Variants in MMS22L observed in about 807,000 individuals in gnomAD.
The protein encoded by MMS22L is protein MMS22-like.
MMS22L carries 74 observed loss-of-function variants against 159.1 expected under a neutral mutation model. That is an observed-to-expected ratio of 0.47 (90% confidence interval 0.39 to 0.56). The LOEUF (loss-of-function observed/expected upper bound fraction) is 0.56, where lower values mean the gene tolerates loss of function less well. MMS22L is among the 20% of genes least tolerant of loss of function. The probability of loss-of-function intolerance (pLI) is 0.00; values close to 1 mark genes in which losing one functional copy is unlikely to be tolerated. For missense variants in MMS22L, 1,351 were observed against 1,422.1 expected (o/e 0.95, Z 0.80); for synonymous variants, 517 against 506.9 (o/e 1.02, Z -0.27).
chr6:97,200,742 G>A (rs998052059), intron 14 of MMS22L, among the ~76,000 whole-genome samples: 18 of 152,080 alleles, frequency 1.2e-4, no homozygotes, highest in African/African-American at 4.3e-4. Flanking sequence ...GTGCAACAGT[G>A]CTATAGGAGC....
chr6:97,271,815 G>A (rs1815771138), intron 6 of MMS22L: 1 of 152,208 alleles, frequency 6.6e-6, no homozygotes, highest in Middle Eastern at 3.4e-3. Context: ...GGGACTACAA[G>A]GTATGTGCCA....
intron 15 of MMS22L, 123 bp from the exon 16 acceptor site, chr6:97,182,177 C>A: frequency 1.3e-6 from 1 of 786,862 alleles, no homozygotes; most frequent in South Asian, 2.1e-5. Flanking sequence ...ATAAAATGTT[C>A]TACTTAGAAA....
chr6:97,182,112 C>T (rs1804779090), intron 15 of MMS22L, 58 bp from the exon 16 acceptor site: 6 of 1,427,188 alleles, frequency 4.2e-6, no homozygotes, highest in Non-Finnish European at 4.8e-6. Context: ...ATTTCTGACC[C>T]ACACACCCCT....
At chr6:97,204,148 T>C (rs1037565783) in intron 14 of MMS22L, among the ~76,000 whole-genome samples, 2 of 152,192 alleles carry the variant, frequency 1.3e-5, no homozygotes, top group East Asian at 1.9e-4. Context: ...TTATTTGGCA[T>C]GTATTTGTAT....
intron 14 of MMS22L, among the ~76,000 whole-genome samples, chr6:97,207,932 C>T (rs1807958374): frequency 1.3e-5 from 2 of 151,994 alleles, no homozygotes; most frequent in Admixed American, 6.6e-5. Context: ...GTGATAAGGT[C>T]AAGAGCACCA....
chr6:97,230,818 T>C (rs1810781074), intron 13 of MMS22L: 1 of 152,486 alleles, frequency 6.6e-6, no homozygotes, highest in African/African-American at 2.4e-5. Flanking sequence ...TAAGAATTAC[T>C]CACTGTGGGA....
chr6:97,179,569 C>A lies in MMS22L; in HGVS notation c.2385-10G>T, dbSNP rs763486335. On this transcript the variant is annotated splice_polypyrimidine_tract_variant and intron_variant, in intron 16 of 24. Coordinates refer to ENST00000683635, the MANE Select transcript of MMS22L (RefSeq NM_001350599.2). ...TGCTTCACATAATGTGCTGTAGAAA[C>A]AAATTGACAAATATTTTTAAAACAA... 1.1e-5 allele frequency: 18 copies of A among 1,581,592 alleles called. No homozygotes were observed. In the East Asian group the frequency reaches 4.1e-4, roughly 36 times the overall value.
intron 11 of MMS22L, among the ~76,000 whole-genome samples, chr6:97,244,408 T>C (rs1466643977): frequency 2.0e-5 from 3 of 152,178 alleles, no homozygotes; most frequent in Admixed American, 6.5e-5. Context: ...CTTGGTTGGA[T>C]TGAAGAATGC....
intron 19 of MMS22L, among the ~76,000 whole-genome samples, chr6:97,172,752 G>T (rs571516978): frequency 6.6e-6 from 1 of 152,092 alleles, no homozygotes; most frequent in Admixed American, 6.5e-5. Flanking sequence ...TTTAAAAAAG[G>T]TCCATTCTAG....
intron 14 of MMS22L, among the ~76,000 whole-genome samples, chr6:97,205,688 A>G (rs1338819280): frequency 6.6e-6 from 1 of 152,204 alleles, no homozygotes; most frequent in Non-Finnish European, 1.5e-5. Flanking sequence ...GAAAAGCACA[A>G]AACAGTTTTA....
At chr6:97,180,795 A>T (rs1049963583) in intron 16 of MMS22L, among the ~76,000 whole-genome samples, 1 of 152,206 alleles carries the variant, frequency 6.6e-6, no homozygotes, top group Non-Finnish European at 1.5e-5. Context: ...AAGTAATCCA[A>T]CTGAATTTGA....
chr6:97,264,757 A>G (rs1418973852), intron 8 of MMS22L: 9 of 152,158 alleles, frequency 5.9e-5, no homozygotes, highest in African/African-American at 2.2e-4. Flanking sequence ...ACAACAAACT[A>G]TCCAAAAAAG....
intron 14 of MMS22L, among the ~76,000 whole-genome samples, chr6:97,195,423 A>T (rs1401840369): frequency 6.6e-6 from 1 of 152,258 alleles, no homozygotes; most frequent in African/African-American, 2.4e-5. Context: ...TATAATTTAC[A>T]TCTTAAAAGG....
At chr6:97,161,781 A>G (rs1802463230) in intron 22 of MMS22L, among the ~76,000 whole-genome samples, 1 of 152,098 alleles carries the variant, frequency 6.6e-6, no homozygotes, top group South Asian at 2.1e-4. Context: ...CAAGGGGAGA[A>G]AAAAAGCCAA....
intron 23 of MMS22L, among the ~76,000 whole-genome samples, 197 bp from the exon 24 acceptor site, chr6:97,150,217 T>C (rs1032360414): frequency 6.6e-6 from 1 of 152,098 alleles, no homozygotes; most frequent in Admixed American, 6.6e-5. Context: ...AGTTGAGCCA[T>C]GACCAGAGTG....
At chr6:97,149,827 CA>C (rs775883615) in intron 24 of MMS22L, 25 bp downstream of exon 24, 7 of 1,551,276 alleles carry the variant, frequency 4.5e-6, no homozygotes, top group Admixed American at 1.9e-5. Context: ...CTGCCCCCCC[CA>C]ATGTAATTAA....
intron 10 of MMS22L, among the ~76,000 whole-genome samples, chr6:97,246,920 G>A (rs537127638): frequency 2.0e-5 from 3 of 151,402 alleles, no homozygotes; most frequent in Non-Finnish European, 4.4e-5. Flanking sequence ...TAACAGTGGT[G>A]CTTCAGTAAG....
chr6:97,247,116 G>C (rs1812745547), intron 10 of MMS22L, among the ~76,000 whole-genome samples: 1 of 150,746 alleles, frequency 6.6e-6, no homozygotes, highest in Non-Finnish European at 1.5e-5. Context: ...ACAAACCTGA[G>C]ACCATCTACT....
chr6:97,256,724 A>G (rs993953462), intron 9 of MMS22L, among the ~76,000 whole-genome samples: 6 of 152,154 alleles, frequency 3.9e-5, no homozygotes, highest in African/African-American at 1.4e-4. Context: ...GGCAAGGCAG[A>G]AGGACTGCTT....
Sources: gnomAD v4.1 joint callset for allele counts (sites outside exome capture counted in the v4.1 genomes callset) on GRCh38, gnomAD v4.1.1 for gene constraint, MANE v1.5 for transcripts, NCBI Gene and HGNC (gene_info 2026-07-23, HGNC 2026-07-21) for gene names.